DIAPH2: variants seen among roughly 807,000 people sequenced by gnomAD.
DIAPH2 encodes diaphanous related formin 2.
DIAPH2 carries 35 observed loss-of-function variants against 92.7 expected under a neutral mutation model. The observed-to-expected ratio is 0.38, with a 90% CI of 0.29 to 0.50. The LOEUF (loss-of-function observed/expected upper bound fraction) is 0.50. Ranked by LOEUF, DIAPH2 falls within the 20% of genes least tolerant of loss-of-function variation. DIAPH2 has a pLI of 0.94. For synonymous variants in DIAPH2, 301 were observed against 280.4 expected, an observed-to-expected ratio of 1.07 and a Z score of -0.73; for missense variants, 701 against 819.5, an observed-to-expected ratio of 0.86 and a Z score of 1.77.
At chrX:97,237,748 A>AT (rs1459025607) in intron 22 of DIAPH2, among the ~76,000 whole-genome samples, 2 of 108,795 alleles carry the variant, frequency 1.8e-5, no homozygotes, top group African/African-American at 3.3e-5. Flanking sequence ...CGCCTGGCTA[A>AT]TTTTTTGTAT....
At chrX:96,882,152 G>A (rs1311622666) in intron 5 of DIAPH2, among the ~76,000 whole-genome samples, 2 of 109,752 alleles carry the variant, frequency 1.8e-5, no homozygotes, top group Admixed American at 1.9e-4. Context: ...CCAGGTTCAA[G>A]CAATTCTTCT....
At chrX:96,876,556 T>C (rs1276417528) in intron 4 of DIAPH2, among the ~76,000 whole-genome samples, 1 of 111,912 alleles carries the variant, frequency 8.9e-6, no homozygotes, top group Non-Finnish European at 1.9e-5. Flanking sequence ...GTGGCACATA[T>C]ACACAATGGA....
At chrX:96,993,934 G>A (rs1420492600) in intron 17 of DIAPH2, among the ~76,000 whole-genome samples, 1 of 111,508 alleles carries the variant, frequency 9.0e-6, no homozygotes, top group Non-Finnish European at 1.9e-5. Flanking sequence ...GTCACATCAT[G>A]GGGAGTAAGG....
At position 97,053,827 on chromosome X, in the gene DIAPH2, C is replaced by T. The variant is rs1025872155; in HGVS notation, c.2051-19114C>T. Among the ~76,000 whole-genome samples the T allele has an allele frequency of 1.8e-4, 20 of 111,579 alleles. No homozygotes were observed. The Admixed American group carries it at 1.8e-3, about 10-fold the overall frequency. ...ACCTTTAGTAATGAATGTACATGTG[C>T]TTTGTGTGGATATATGTGATTTTTG... is the stretch of plus-strand genomic sequence containing the variant. On this transcript the variant is annotated intron_variant, in intron 17 of 26. Coordinates refer to ENST00000324765, the MANE Select transcript of DIAPH2 (RefSeq NM_006729.5).
chrX:97,187,693 G>T (rs1406077824), intron 22 of DIAPH2, among the ~76,000 whole-genome samples: 1 of 111,015 alleles, frequency 9.0e-6, no homozygotes, highest in Non-Finnish European at 1.9e-5. Context: ...AAATATAAGA[G>T]ACTGGGGAAT....
chrX:97,419,124 A>T lies in DIAPH2; in HGVS notation c.3146-10526A>T, dbSNP rs755552943. Reference sequence around the variant, plus strand: ...TTTTTTAAAGACACAGCATCTCACTATGTTGGCCCACACTGGCCTTGAACT... The same window carrying T: ...TTTTTTAAAGACACAGCATCTCACTTTGTTGGCCCACACTGGCCTTGAACT... On this transcript the variant is annotated intron_variant, in intron 25 of 26. Transcript: ENST00000324765. 2.5e-4 allele frequency among the ~76,000 whole-genome samples: 28 copies of T among 110,616 alleles called. 1 individual carries two copies. The highest frequency in any genetic ancestry group is 5.3e-4 in the Non-Finnish European group (28 of 52,926).
chrX:96,778,761 C>A (rs2064395479), intron 4 of DIAPH2, among the ~76,000 whole-genome samples: 3 of 111,721 alleles, frequency 2.7e-5, no homozygotes, highest in Admixed American at 9.5e-5. Flanking sequence ...GACCAAGACA[C>A]TTATTTTGCA....
At chrX:97,471,302 T>C (rs757818727) in intron 26 of DIAPH2, among the ~76,000 whole-genome samples, 1 of 111,773 alleles carries the variant, frequency 8.9e-6, no homozygotes, top group Non-Finnish European at 1.9e-5. Context: ...TACATAGGTC[T>C]GTTCTCCCTT....
chrX:97,546,462 C>T (rs189513482), intron 26 of DIAPH2, among the ~76,000 whole-genome samples: 222 of 111,616 alleles, frequency 2.0e-3, no homozygotes, highest in African/African-American at 7.1e-3. Flanking sequence ...ACAGTACCAT[C>T]ACGTACCATC....
At chrX:97,334,005 G>C (rs947235239) in intron 23 of DIAPH2, among the ~76,000 whole-genome samples, 2 of 111,275 alleles carry the variant, frequency 1.8e-5, no homozygotes, top group Non-Finnish European at 3.8e-5. Flanking sequence ...AAACAGGTAA[G>C]GTCATGTTAC....
chrX:96,962,493 A>G (rs1362784826), intron 16 of DIAPH2, among the ~76,000 whole-genome samples: 1 of 22,926 alleles, frequency 4.4e-5, no homozygotes, highest in South Asian at 2.5e-3. Context: ...ACACACACAC[A>G]CACATATATA....
chrX:97,339,287 A>G (rs957851533), intron 23 of DIAPH2, among the ~76,000 whole-genome samples: 1 of 110,782 alleles, frequency 9.0e-6, no homozygotes, highest in Non-Finnish European at 1.9e-5. Context: ...TGGGTGGGCA[A>G]ATCACTTGAG....
intron 19 of DIAPH2, among the ~76,000 whole-genome samples, chrX:97,076,214 A>G (rs2066703386): frequency 8.9e-6 from 1 of 111,773 alleles, no homozygotes; most frequent in African/African-American, 3.3e-5. Context: ...TTTTTGAGCC[A>G]TGAGTTGGTT....
At chrX:97,151,812 G>A (rs1602376977) in intron 22 of DIAPH2, among the ~76,000 whole-genome samples, 1 of 111,490 alleles carries the variant, frequency 9.0e-6, no homozygotes, top group Non-Finnish European at 1.9e-5. Context: ...GTGAATATTC[G>A]TATATCAAAT....
chrX:97,030,868 T>G (rs1372927347), intron 17 of DIAPH2, among the ~76,000 whole-genome samples: 1 of 111,982 alleles, frequency 8.9e-6, no homozygotes, highest in African/African-American at 3.2e-5. Flanking sequence ...AGCTAATTAT[T>G]CAAAACTGGG....
intron 22 of DIAPH2, among the ~76,000 whole-genome samples, chrX:97,198,493 C>T (rs1471827434): frequency 9.0e-6 from 1 of 110,919 alleles, no homozygotes; most frequent in Non-Finnish European, 1.9e-5. Flanking sequence ...GCATATTATA[C>T]ATATATAGGC....
intron 3 of DIAPH2, among the ~76,000 whole-genome samples, chrX:96,748,353 G>A (rs983211510): frequency 8.9e-6 from 1 of 111,963 alleles, no homozygotes; most frequent in Non-Finnish European, 1.9e-5. Context: ...AGGGAGAAAA[G>A]TACATAAATT....
At chrX:97,192,902 A>C (rs1406914735) in intron 22 of DIAPH2, among the ~76,000 whole-genome samples, 2 of 111,344 alleles carry the variant, frequency 1.8e-5, no homozygotes, top group Non-Finnish European at 3.8e-5. Flanking sequence ...CATGGAATTA[A>C]AACTAGAACC....
At chrX:97,183,832 A>C (rs1182309427) in intron 22 of DIAPH2, among the ~76,000 whole-genome samples, 1 of 112,282 alleles carries the variant, frequency 8.9e-6, no homozygotes, top group Non-Finnish European at 1.9e-5. Flanking sequence ...AACAACAAAA[A>C]AATGAGAAAG....
Sources: gnomAD v4.1 joint callset for allele counts (sites outside exome capture counted in the v4.1 genomes callset) on GRCh38, gnomAD v4.1.1 for gene constraint, MANE v1.5 for transcripts, NCBI Gene and HGNC (gene_info 2026-07-23, HGNC 2026-07-21) for gene names.